Variants in HSD17B12 observed in about 807,000 individuals in gnomAD.
HSD17B12 encodes hydroxysteroid 17-beta dehydrogenase 12.
A neutral mutation model predicts 39.3 loss-of-function variants in HSD17B12; 32 were observed. The observed-to-expected ratio is 0.81, with a 90% CI of 0.61 to 1.09. The LOEUF is 1.09. Among genes scored for constraint, HSD17B12 ranks in the 50% least tolerant of loss-of-function variants. The pLI, the probability that HSD17B12 is intolerant of heterozygous loss-of-function variation, is 0.00. For missense variants in HSD17B12, 342 were observed against 382.9 expected (o/e 0.89, Z 0.89); for synonymous variants, 150 against 146.7 (o/e 1.02, Z -0.16).
chr11:43,699,671 C>T (rs1949945167), intron 1 of HSD17B12, among the ~76,000 whole-genome samples: 1 of 151,826 alleles, frequency 6.6e-6, no homozygotes, highest in Non-Finnish European at 1.5e-5. Flanking sequence ...AGTTTGGGTT[C>T]TCCCAAAATC....
intron 7 of HSD17B12, chr11:43,837,987 C>G: frequency 7.5e-6 from 2 of 265,878 alleles, no homozygotes; most frequent in South Asian, 1.8e-4. Flanking sequence ...TATAAAAGAT[C>G]TGTAAGTAAA....
the HSD17B12 span, among the ~76,000 whole-genome samples, chr11:43,587,952 C>T: frequency 6.6e-6 from 1 of 152,176 alleles, no homozygotes; most frequent in Non-Finnish European, 1.5e-5. Flanking sequence ...CCATGTAGCA[C>T]AGCAAGGGGC....
At chr11:43,697,733 CTG>C (rs1320259858) in intron 1 of HSD17B12, among the ~76,000 whole-genome samples, 2 of 152,142 alleles carry the variant, frequency 1.3e-5, no homozygotes, top group African/African-American at 2.4e-5. Flanking sequence ...CTTGAGGAAA[CTG>C]AGACCATTTC....
At chr11:43,703,896 A>G (rs887807584) in intron 1 of HSD17B12, among the ~76,000 whole-genome samples, 1 of 150,178 alleles carries the variant, frequency 6.7e-6, no homozygotes, top group South Asian at 2.1e-4. Flanking sequence ...TTCCATTTCC[A>G]TTTCATTTAT....
chr11:43,654,603 T>A, the HSD17B12 span, among the ~76,000 whole-genome samples: 1 of 152,182 alleles, frequency 6.6e-6, no homozygotes, highest in South Asian at 2.1e-4. Context: ...CAGTTTCAGC[T>A]TTCTACATAT....
Position 43,718,212 on chromosome 11 carries a change from G to A in HSD17B12, c.161-32699G>A, listed in dbSNP as rs115899614. ...TTGGAGAATGTCAAGTTCCTATAGC[G>A]AAGTGGCATGAGATGGAAGGTATTG... On this transcript the variant is annotated intron_variant, in intron 1 of 10. Transcript: ENST00000278353. Among the ~76,000 whole-genome samples, 283 of 152,294 alleles carry A rather than the reference G, an allele frequency of 1.9e-3. 2 individuals are homozygous for A. The highest frequency in any genetic ancestry group is 6.4e-3 in the African/African-American group (267 of 41,560).
chr11:43,603,975 C>T, the HSD17B12 span, among the ~76,000 whole-genome samples: 2 of 151,862 alleles, frequency 1.3e-5, no homozygotes, highest in Non-Finnish European at 2.9e-5. Context: ...AATTTTGTGG[C>T]CAATATTTAA....
chr11:43,790,091 A>G (rs543332960), intron 3 of HSD17B12, among the ~76,000 whole-genome samples: 1 of 152,362 alleles, frequency 6.6e-6, no homozygotes, highest in East Asian at 1.9e-4. Flanking sequence ...CTGACTTGCC[A>G]TCAATTATAA....
chr11:43,800,970 C>A (rs929690286), intron 4 of HSD17B12, among the ~76,000 whole-genome samples: 20 of 152,048 alleles, frequency 1.3e-4, no homozygotes, highest in African/African-American at 3.9e-4. Flanking sequence ...GAAACCCCAT[C>A]TCTACTAAAA....
At chr11:43,579,676 C>CGCGCAGACGCTCGGAGGGT in the HSD17B12 span, among the ~76,000 whole-genome samples, 3 of 152,052 alleles carry the variant, frequency 2.0e-5, no homozygotes, top group South Asian at 2.1e-4. Context: ...GCGCGGCGGG[C>CGCGCAGACGCTCGGAGGGT]GCGCAGACGC....
the HSD17B12 span, chr11:43,673,201 A>G: frequency 3.3e-5 from 5 of 152,236 alleles, no homozygotes; most frequent in Non-Finnish European, 7.3e-5. Flanking sequence ...CTTTCATTCT[A>G]TAGAACTACT....
chr11:43,668,308 CA>C, the HSD17B12 span, among the ~76,000 whole-genome samples: 3 of 152,136 alleles, frequency 2.0e-5, no homozygotes, highest in Non-Finnish European at 2.9e-5. Flanking sequence ...ATCTTCAGAC[CA>C]GCAATGTTGC....
the HSD17B12 span, among the ~76,000 whole-genome samples, chr11:43,583,472 G>T: frequency 6.6e-6 from 1 of 152,200 alleles, no homozygotes; most frequent in African/African-American, 2.4e-5. Context: ...GGGGCTGGGA[G>T]CTTGCGGAAA....
At chr11:43,790,684 C>A (rs2135029852) in intron 3 of HSD17B12, among the ~76,000 whole-genome samples, 1 of 152,270 alleles carries the variant, frequency 6.6e-6, no homozygotes, top group South Asian at 2.1e-4. Flanking sequence ...GAATGGCGTG[C>A]AATTTAAAAC....
At chr11:43,676,034 C>T (rs192632663), upstream of HSD17B12, among the ~76,000 whole-genome samples, 79 of 152,132 alleles carry the variant, frequency 5.2e-4, no homozygotes, top group Non-Finnish European at 1.1e-3. Flanking sequence ...ATCACTTGAA[C>T]CTGGGAGGCG....
the HSD17B12 span, among the ~76,000 whole-genome samples, chr11:43,563,654 A>C: frequency 2.6e-5 from 4 of 151,994 alleles, no homozygotes; most frequent in African/African-American, 9.7e-5. Context: ...ATCTCTACTA[A>C]ATTTTTTTTT....
At position 43,734,222 on chromosome 11, in the gene HSD17B12, G is replaced by A. The variant is rs1177417776; in HGVS notation, c.161-16689G>A. 5 of 1,529,210 alleles carry A rather than the reference G, an allele frequency of 3.3e-6. No individual in the cohort carries two copies. In the East Asian group the frequency reaches 6.8e-5, roughly 21 times the overall value. 94.7% of individuals were successfully genotyped at this position (1,529,210 alleles called of 1,614,324 possible). A position where few individuals can be genotyped will look rare whatever the true frequency, so the allele number is the denominator to read the frequency against. Reference sequence around the variant, plus strand: ...GGTGAGCGACGACCTTACGGAGCGAGCAGCCACCTTTGGGTTCATCCTGGA... The same window carrying A: ...GGTGAGCGACGACCTTACGGAGCGAACAGCCACCTTTGGGTTCATCCTGGA... On this transcript the variant is annotated intron_variant, in intron 1 of 10. Coordinates refer to ENST00000278353, the MANE Select transcript of HSD17B12 (RefSeq NM_016142.3).
intron 3 of HSD17B12, among the ~76,000 whole-genome samples, chr11:43,781,560 G>T (rs1950765961): frequency 6.6e-6 from 1 of 152,150 alleles, no homozygotes; most frequent in Non-Finnish European, 1.5e-5. Flanking sequence ...TCTCTGGGCA[G>T]TAAGAAAACC....
At chr11:43,728,215 G>C (rs1950238384) in intron 1 of HSD17B12, among the ~76,000 whole-genome samples, 2 of 151,962 alleles carry the variant, frequency 1.3e-5, no homozygotes, top group Admixed American at 1.3e-4. Context: ...ACAGGTGCCT[G>C]CAACCACGCC....
Sources: gnomAD v4.1 joint callset for allele counts (sites outside exome capture counted in the v4.1 genomes callset) on GRCh38, gnomAD v4.1.1 for gene constraint, MANE v1.5 for transcripts, NCBI Gene and HGNC (gene_info 2026-07-23, HGNC 2026-07-21) for gene names.